The following GLP2R variants were observed in gnomAD, a reference collection of about 807,000 sequenced individuals.
GLP2R encodes the protein glucagon-like peptide 2 receptor.
A neutral mutation model predicts 68.2 loss-of-function variants in GLP2R; 59 were observed. The observed-to-expected ratio is 0.87, with a 90% confidence interval of 0.70 to 1.07. GLP2R has a LOEUF of 1.07. Ranked by LOEUF, GLP2R falls within the 50% of genes least tolerant of loss-of-function variation. The pLI, the probability that GLP2R is intolerant of heterozygous loss-of-function variation, is 0.00. For synonymous variants in GLP2R, 270 were observed against 265.4 expected (o/e 1.02, Z -0.17); for missense variants, 548 against 677.4 (o/e 0.81, Z 2.12).
chr17:9,862,207 A>T (rs996351813), intron 9 of GLP2R, 117 bp downstream of exon 9: 1 of 734,554 alleles, frequency 1.4e-6, no homozygotes, highest in Admixed American at 2.2e-5. Context: ...GAGAAGCTGA[A>T]CTATGAGCAT....
chr17:9,880,075 G>A (rs765773519), intron 10 of GLP2R, among the ~76,000 whole-genome samples: 9 of 152,192 alleles, frequency 5.9e-5, no homozygotes, highest in Admixed American at 2.0e-4. Context: ...CACTTGCATG[G>A]AAATCTATCC....
chr17:9,843,142 C>T (rs2066804181), intron 4 of GLP2R, among the ~76,000 whole-genome samples: 1 of 152,198 alleles, frequency 6.6e-6, no homozygotes, highest in Non-Finnish European at 1.5e-5. Context: ...TGACAGGGGA[C>T]TTGTGTGCCT....
At chr17:9,846,302 G>A (rs928191158) in intron 4 of GLP2R, among the ~76,000 whole-genome samples, 3 of 152,168 alleles carry the variant, frequency 2.0e-5, no homozygotes, top group Non-Finnish European at 4.4e-5. Flanking sequence ...TAGATATGGG[G>A]CGATACCACA....
intron 4 of GLP2R, among the ~76,000 whole-genome samples, chr17:9,844,668 CTTTTTTTTTTTTTTTTTTTT>C (rs71139004): frequency 1.2e-3 from 54 of 44,312 alleles, no homozygotes; most frequent in South Asian, 1.9e-3. Flanking sequence ...CTACCTAATT[CTTTTTTTTTTTTTTTTTTTT>C]TTTTTTTTTT....
In GLP2R at chr17:9,842,604, C is replaced by A; in HGVS notation, c.492C>A (p.Ser164Arg). 6.2e-7 allele frequency: 1 copy of A among 1,613,828 alleles called. No homozygotes were observed. The highest frequency in any genetic ancestry group is 8.5e-7 in the Non-Finnish European group (1 of 1,180,024). The change falls in exon 4 of 13, where the codon AGC (serine) becomes AGA (arginine). Residue 164 changes from serine (S) to arginine (R), a missense_variant. Ser to Arg is a moderately radical substitution (Grantham distance 110). Coordinates refer to ENST00000262441, the MANE Select transcript of GLP2R (RefSeq NM_004246.3). ...QDDSECSENH[S>R]FKQNVDRYAL... ...ACTCCGAATGCTCCGAGAACCACAGCTTCAAGCAAAACGTGAGTTTGCTCA... is the reference window on the plus strand; with the variant it reads ...ACTCCGAATGCTCCGAGAACCACAGATTCAAGCAAAACGTGAGTTTGCTCA...
At chr17:9,835,326 TTCCAGGAG>T (rs759811515) in intron 2 of GLP2R, among the ~76,000 whole-genome samples, 2 of 152,126 alleles carry the variant, frequency 1.3e-5, no homozygotes, top group Non-Finnish European at 2.9e-5. Flanking sequence ...GATGCTTGGC[TTCCAGGAG>T]TCAGGAGCCT....
chr17:9,866,704 GAGT>G (rs1031428986), intron 9 of GLP2R: 3 of 152,176 alleles, frequency 2.0e-5, no homozygotes, highest in African/African-American at 7.2e-5. Context: ...GGTTATTTCA[GAGT>G]TTCTATCCTC....
intron 5 of GLP2R, among the ~76,000 whole-genome samples, chr17:9,856,541 G>A (rs2066935168): frequency 6.6e-6 from 1 of 152,212 alleles, no homozygotes; most frequent in Admixed American, 6.5e-5. Context: ...CAAAGAGTCT[G>A]CAGGAGACCC....
chr17:9,865,347 C>A (rs1026640686), intron 9 of GLP2R, among the ~76,000 whole-genome samples: 4 of 151,912 alleles, frequency 2.6e-5, no homozygotes, highest in African/African-American at 9.7e-5. Flanking sequence ...CAGACCTCTG[C>A]AAACACCTCC....
chr17:9,859,848 A>ATT, intron 6 of GLP2R, 94 bp from the exon 7 acceptor site: 10 of 350,218 alleles, frequency 2.9e-5, no homozygotes, highest in African/African-American at 5.0e-5. Context: ...AAAAAAAAAG[A>ATT]GGGAGAGGTT....
At chr17:9,847,458 C>T (rs1281676612) in intron 4 of GLP2R, among the ~76,000 whole-genome samples, 4 of 151,902 alleles carry the variant, frequency 2.6e-5, no homozygotes, top group Non-Finnish European at 5.9e-5. Flanking sequence ...TTAGTGGAGA[C>T]GGGGTTTCAC....
intron 4 of GLP2R, among the ~76,000 whole-genome samples, chr17:9,849,002 T>C (rs1248395478): frequency 6.9e-6 from 1 of 145,296 alleles, no homozygotes; most frequent in Non-Finnish European, 1.5e-5. Context: ...AAAAAGTGCG[T>C]CTATTCTTAA....
In GLP2R at chr17:9,891,893, A is replaced by T. The variant is rs2067293884; in HGVS notation, c.*2188A>T. ...CCGGTTCAGAGCAGGTGCTCCACACACATTCCTGGAATGAGACAGCACAGA... is the reference window on the plus strand; with the variant it reads ...CCGGTTCAGAGCAGGTGCTCCACACTCATTCCTGGAATGAGACAGCACAGA... On this transcript the variant is annotated 3_prime_UTR_variant, in exon 13 of 13. Coordinates refer to ENST00000262441, the MANE Select transcript of GLP2R (RefSeq NM_004246.3). The T allele has an allele frequency of 6.6e-6, 1 of 152,166 alleles. No homozygotes were observed. The allele number at this position is 152,166 out of a possible 1,614,324, so 9.4% of individuals were successfully genotyped here.
intron 7 of GLP2R, among the ~76,000 whole-genome samples, chr17:9,860,568 C>A (rs879808279): frequency 6.6e-6 from 1 of 152,072 alleles, no homozygotes; most frequent in African/African-American, 2.4e-5. Flanking sequence ...CAAGCTCTCT[C>A]GTCTCTTTTT....
At position 9,891,895 on chromosome 17, in the gene GLP2R, A is replaced by G. The variant is rs1025854635; in HGVS notation, c.*2190A>G. On this transcript the variant is annotated 3_prime_UTR_variant, in exon 13 of 13. Transcript: ENST00000262441. ...GGTTCAGAGCAGGTGCTCCACACAC[A>G]TTCCTGGAATGAGACAGCACAGAAA... 1 of 152,146 alleles carries G rather than the reference A, an allele frequency of 6.6e-6. No individual in the cohort carries two copies. The highest frequency in any genetic ancestry group is 2.4e-5 in the African/African-American group (1 of 41,416). 9.4% of individuals were successfully genotyped at this position (152,146 alleles called of 1,614,324 possible). A position where few individuals can be genotyped will look rare whatever the true frequency, so the allele number is the denominator to read the frequency against.
At chr17:9,876,510 C>A (rs1937776150) in intron 10 of GLP2R, among the ~76,000 whole-genome samples, 1 of 152,110 alleles carries the variant, frequency 6.6e-6, no homozygotes, top group Admixed American at 6.5e-5. Flanking sequence ...TTTGGCAAAG[C>A]CTGTTTGTAC....
At chr17:9,827,706 T>C (rs780527268) in intron 1 of GLP2R, among the ~76,000 whole-genome samples, 32 of 152,162 alleles carry the variant, frequency 2.1e-4, no homozygotes, top group Non-Finnish European at 2.5e-4. Context: ...CTCACGCCTG[T>C]AACCCCAACA....
At chr17:9,837,689 G>A (rs1228779142) in intron 3 of GLP2R, among the ~76,000 whole-genome samples, 1 of 152,062 alleles carries the variant, frequency 6.6e-6, no homozygotes, top group Non-Finnish European at 1.5e-5. Flanking sequence ...ATCCCTACCA[G>A]CCCCAGAAGC....
chr17:9,883,944 C>A (rs1035597727), intron 11 of GLP2R, among the ~76,000 whole-genome samples: 9 of 152,066 alleles, frequency 5.9e-5, no homozygotes, highest in Non-Finnish European at 1.5e-5. Context: ...AAGGTAGATA[C>A]ACAGGTAAAT....
Sources: gnomAD v4.1 joint callset for allele counts (sites outside exome capture counted in the v4.1 genomes callset) on GRCh38, gnomAD v4.1.1 for gene constraint, MANE v1.5 for transcripts, NCBI Gene and HGNC (gene_info 2026-07-23, HGNC 2026-07-21) for gene names.